Variants in FOXN3 observed in about 807,000 individuals in gnomAD.
FOXN3 encodes forkhead box protein N3.
A neutral mutation model predicts 38.4 loss-of-function variants in FOXN3; 7 were observed. That is an observed-to-expected ratio of 0.18 (90% confidence interval 0.10 to 0.34). The LOEUF is 0.34. Among genes scored for constraint, FOXN3 ranks in the 10% least tolerant of loss-of-function variants. FOXN3 has a pLI of 1.00. For synonymous variants in FOXN3, 230 were observed against 242.2 expected (o/e 0.95, Z 0.47); for missense variants, 456 against 613.4 (o/e 0.74, Z 2.71).
intron 2 of FOXN3, among the ~76,000 whole-genome samples, chr14:89,378,459 G>C (rs924066638): frequency 2.0e-5 from 3 of 152,168 alleles, no homozygotes; most frequent in African/African-American, 7.2e-5. Flanking sequence ...GCCCAAGTCT[G>C]CCTGCTGTAA....
chr14:89,191,004 T>C (rs183574075), intron 4 of FOXN3, among the ~76,000 whole-genome samples: 18 of 152,126 alleles, frequency 1.2e-4, no homozygotes, highest in Admixed American at 1.0e-3. Flanking sequence ...GCACTTAAAA[T>C]ATAAAGAAAA....
chr14:89,605,359 C>A (rs1191266104), intron 1 of FOXN3, among the ~76,000 whole-genome samples: 1 of 151,650 alleles, frequency 6.6e-6, no homozygotes, highest in Non-Finnish European at 1.5e-5. Flanking sequence ...AGAAAAGGAT[C>A]TAGAAATAAA....
intron 2 of FOXN3, among the ~76,000 whole-genome samples, chr14:89,359,663 T>A (rs1889377850): frequency 6.6e-6 from 1 of 152,198 alleles, no homozygotes; most frequent in Non-Finnish European, 1.5e-5. Flanking sequence ...TCGTGCACAC[T>A]GAGAGATGCT....
chr14:89,480,327 C>T (rs890102330), intron 1 of FOXN3, among the ~76,000 whole-genome samples: 3 of 151,746 alleles, frequency 2.0e-5, no homozygotes, highest in African/African-American at 7.3e-5. Context: ...CACTTCAACT[C>T]GGGAGGCGGA....
At chr14:89,326,184 C>G (rs1299255166) in intron 3 of FOXN3, among the ~76,000 whole-genome samples, 1 of 152,170 alleles carries the variant, frequency 6.6e-6, no homozygotes, top group African/African-American at 2.4e-5. Flanking sequence ...CCCTGCCCTC[C>G]CAGAGCACAC....
At chr14:89,170,100 C>A (rs1209529851) in intron 5 of FOXN3, among the ~76,000 whole-genome samples, 1 of 152,148 alleles carries the variant, frequency 6.6e-6, no homozygotes, top group Admixed American at 6.5e-5. Context: ...GATTTCAAGG[C>A]AAAAATCATT....
chr14:89,459,360 A>G lies in FOXN3; in HGVS notation c.-14-46870T>C, dbSNP rs138882011. Among the ~76,000 whole-genome samples the G allele has an allele frequency of 4.7e-3, 721 of 152,308 alleles. 12 individuals carry two copies. Among genetic ancestry groups the G allele is most frequent in the African/African-American group, 0.017 (686 of 41,560 alleles). The stretch of plus-strand genomic sequence containing the variant: ...CTAGGCCATTAAAAGAGCCCTTTTA[A>G]TCAGAGTGAATTTAAATCTGCACCC... On this transcript the variant is annotated intron_variant, in intron 1 of 6. Coordinates refer to the FOXN3 transcript ENST00000345097.
At chr14:89,460,271 C>T (rs555783033) in intron 1 of FOXN3, among the ~76,000 whole-genome samples, 2 of 152,246 alleles carry the variant, frequency 1.3e-5, no homozygotes, top group African/African-American at 4.8e-5. Context: ...ATACTAAGTG[C>T]TTCAATTAAA....
intron 4 of FOXN3, among the ~76,000 whole-genome samples, chr14:89,222,118 C>A (rs1394738577): frequency 6.6e-6 from 1 of 152,164 alleles, no homozygotes; most frequent in African/African-American, 2.4e-5. Context: ...GCCCGGCCTA[C>A]ACAATCTTTT....
intron 4 of FOXN3, among the ~76,000 whole-genome samples, chr14:89,191,973 T>TATAA (rs1481298307): frequency 2.2e-5 from 3 of 135,192 alleles, no homozygotes; most frequent in African/African-American, 9.5e-5. Context: ...CACATATATA[T>TATAA]AACTATAATA....
intron 1 of FOXN3, among the ~76,000 whole-genome samples, chr14:89,458,404 G>C (rs1298626842): frequency 6.6e-6 from 1 of 152,138 alleles, no homozygotes; most frequent in East Asian, 1.9e-4. Context: ...TGGACTCTCT[G>C]TTAAAGGACT....
At chr14:89,311,653 C>T (rs1371900838) in intron 3 of FOXN3, among the ~76,000 whole-genome samples, 1 of 149,760 alleles carries the variant, frequency 6.7e-6, no homozygotes, top group Non-Finnish European at 1.5e-5. Context: ...GATGAAACCC[C>T]GTCTCTATTA....
At chr14:89,413,574 A>G (rs1326010968) in intron 1 of FOXN3, among the ~76,000 whole-genome samples, 1 of 151,948 alleles carries the variant, frequency 6.6e-6, no homozygotes, top group African/African-American at 2.4e-5. Context: ...CTGAGGCTGC[A>G]GTGAGCCATG....
intron 1 of FOXN3, among the ~76,000 whole-genome samples, chr14:89,604,723 C>G (rs1327279272): frequency 1.3e-5 from 2 of 152,124 alleles, no homozygotes; most frequent in Non-Finnish European, 2.9e-5. Context: ...AAGTTGACAT[C>G]TGAACACTTT....
chr14:89,480,400 T>A (rs1210516780), intron 1 of FOXN3, among the ~76,000 whole-genome samples: 2 of 133,850 alleles, frequency 1.5e-5, no homozygotes, highest in African/African-American at 5.7e-5. Context: ...CAAAACTCTA[T>A]CTCAAAAAAA....
intron 4 of FOXN3, among the ~76,000 whole-genome samples, chr14:89,191,479 G>A (rs570874098): frequency 2.6e-5 from 4 of 152,244 alleles, no homozygotes; most frequent in East Asian, 1.9e-4. Context: ...CTCTGTGTCC[G>A]CCAAACCCAA....
chr14:89,387,717 A>C (rs1268874281), intron 2 of FOXN3, among the ~76,000 whole-genome samples: 1 of 152,266 alleles, frequency 6.6e-6, no homozygotes, highest in East Asian at 1.9e-4. Context: ...AATGGGCTTT[A>C]AACGGAGCCC....
intron 1 of FOXN3, among the ~76,000 whole-genome samples, chr14:89,579,007 C>A (rs1895690655): frequency 6.6e-6 from 1 of 152,072 alleles, no homozygotes; most frequent in Admixed American, 6.6e-5. Flanking sequence ...GCCAACACAC[C>A]TGTTGAATTT....
At chr14:89,183,849 C>T (rs1438757507) in intron 4 of FOXN3, 2 of 152,206 alleles carry the variant, frequency 1.3e-5, no homozygotes, top group African/African-American at 4.8e-5. Flanking sequence ...GCAAACCAAC[C>T]TAGGTCTACA....
Sources: allele counts gnomAD v4.1 joint callset (sites outside exome capture counted in the v4.1 genomes callset), GRCh38; gene constraint gnomAD v4.1.1; transcripts MANE v1.5; gene names NCBI Gene and HGNC (gene_info 2026-07-23, HGNC 2026-07-21).